The following NCKAP5 variants were observed in gnomAD, a reference collection of about 807,000 sequenced individuals.
NCKAP5 encodes NCK associated protein 5.
NCKAP5 carries 92 observed loss-of-function variants against 167.0 expected under a neutral mutation model. That is an observed-to-expected ratio of 0.55 (90% CI 0.47 to 0.66). The LOEUF is 0.66. Among genes scored for constraint, NCKAP5 ranks in the 30% least tolerant of loss-of-function variants. The pLI is 0.00. For synonymous variants in NCKAP5, 891 were observed against 877.4 expected (o/e 1.02, Z -0.27); for missense variants, 2,378 against 2,315.0 (o/e 1.03, Z -0.56).
chr2:133,613,219 A>T, the NCKAP5 span, among the ~76,000 whole-genome samples: 3 of 152,316 alleles, frequency 2.0e-5, no homozygotes, highest in African/African-American at 7.2e-5. Flanking sequence ...CCATTGATAG[A>T]ATTATTTTCT....
chr2:133,463,471 T>C (rs1692329876), intron 3 of NCKAP5, among the ~76,000 whole-genome samples: 2 of 152,212 alleles, frequency 1.3e-5, no homozygotes. Context: ...TAGGCTGAAG[T>C]CCATTGTTCA....
At chr2:133,626,368 T>A in the NCKAP5 span, among the ~76,000 whole-genome samples, 131 of 152,100 alleles carry the variant, frequency 8.6e-4, no homozygotes, top group African/African-American at 3.0e-3. Flanking sequence ...GAGAAATACA[T>A]GAAATAACAC....
chr2:133,122,239 A>G (rs2082273210), intron 6 of NCKAP5: 1 of 152,262 alleles, frequency 6.6e-6, no homozygotes, highest in African/African-American at 2.4e-5. Flanking sequence ...ACCAAAAAAT[A>G]AAACATTTAT....
At chr2:133,328,062 T>G (rs976864987) in intron 3 of NCKAP5, among the ~76,000 whole-genome samples, 2 of 152,174 alleles carry the variant, frequency 1.3e-5, no homozygotes, top group African/African-American at 4.8e-5. Context: ...CACCCTGTTG[T>G]CTCTCTACCA....
intron 8 of NCKAP5, among the ~76,000 whole-genome samples, chr2:132,942,461 T>A (rs1195353482): frequency 1.3e-5 from 2 of 152,198 alleles, no homozygotes; most frequent in Non-Finnish European, 2.9e-5. Flanking sequence ...AATCACTGAT[T>A]TAGACTTTGT....
rs145510818 is a variant in NCKAP5, at chr2:133,207,336, T to C, written c.207+6380A>G. The stretch of plus-strand genomic sequence containing the variant: ...CCTACAGGGCTCTTTTGGGGGCTGG[T>C]TTCCCCGATATATGTGTATTGAGAT... On this transcript the variant is annotated intron_variant, in intron 5 of 19. Transcript: ENST00000409261. 3.9e-3 allele frequency among the ~76,000 whole-genome samples: 594 copies of C among 152,244 alleles called. 4 individuals carry two copies. The highest frequency in any genetic ancestry group is 0.013 in the African/African-American group (561 of 41,562).
At chr2:132,815,222 C>A in intron 11 of NCKAP5, among the ~76,000 whole-genome samples, 1 of 152,044 alleles carries the variant, frequency 6.6e-6, no homozygotes, top group East Asian at 1.9e-4. Flanking sequence ...TATTTGCAAC[C>A]TCGGAGAATA....
chr2:133,644,361 C>T, the NCKAP5 span, among the ~76,000 whole-genome samples: 3 of 152,296 alleles, frequency 2.0e-5, no homozygotes, highest in East Asian at 1.9e-4. Flanking sequence ...AACTTACTGA[C>T]TCAAGATCTT....
At chr2:133,389,154 G>A (rs189391235) in intron 3 of NCKAP5, among the ~76,000 whole-genome samples, 89 of 152,348 alleles carry the variant, frequency 5.8e-4, no homozygotes, top group African/African-American at 1.5e-3. Context: ...CACTGGAGCT[G>A]CTCCTGTTCG....
At chr2:132,864,636 G>A (rs1574458861) in intron 10 of NCKAP5, among the ~76,000 whole-genome samples, 1 of 152,284 alleles carries the variant, frequency 6.6e-6, no homozygotes, top group East Asian at 1.9e-4. Flanking sequence ...GTTACTTTAT[G>A]TATTGAAGAG....
At chr2:133,590,362 T>TA in the NCKAP5 span, among the ~76,000 whole-genome samples, 15 of 147,986 alleles carry the variant, frequency 1.0e-4, no homozygotes, top group East Asian at 2.8e-3. Flanking sequence ...CCGTCTCTAC[T>TA]AAAAATACAA....
chr2:133,583,722 T>C, the NCKAP5 span, among the ~76,000 whole-genome samples: 2 of 152,158 alleles, frequency 1.3e-5, no homozygotes, highest in African/African-American at 4.8e-5. Flanking sequence ...AGTCGTAAGA[T>C]AAAGTCAAAT....
chr2:133,455,867 G>A (rs750399499), intron 3 of NCKAP5, among the ~76,000 whole-genome samples: 6 of 152,094 alleles, frequency 3.9e-5, no homozygotes, highest in South Asian at 2.1e-4. Context: ...TATATCAGCC[G>A]TGGTTAGATG....
intron 5 of NCKAP5, among the ~76,000 whole-genome samples, chr2:133,199,231 T>C (rs2085567557): frequency 6.6e-6 from 1 of 151,238 alleles, no homozygotes; most frequent in South Asian, 2.1e-4. Context: ...AAGCATAAAC[T>C]AGAAAAATAA....
intron 5 of NCKAP5, among the ~76,000 whole-genome samples, chr2:133,179,848 T>A (rs1424494150): frequency 6.6e-6 from 1 of 151,822 alleles, no homozygotes; most frequent in Non-Finnish European, 1.5e-5. Flanking sequence ...CAGGAATGTG[T>A]AGGAATGAAA....
chr2:133,286,928 T>C lies in NCKAP5; in HGVS notation c.143+16109A>G, dbSNP rs566208168. Among the ~76,000 whole-genome samples, 10 of 152,294 alleles carry C rather than the reference T, an allele frequency of 6.6e-5. No homozygotes were observed. In the South Asian group the frequency reaches 1.5e-3, roughly 22 times the overall value. ...AGAGCCAAAGGGTGAAAGGCAGATG[T>C]TGAGTCATTCAATAGAAGAGGTGTC... On this transcript the variant is annotated intron_variant, in intron 4 of 19. Coordinates refer to ENST00000409261, the MANE Select transcript of NCKAP5 (RefSeq NM_207363.3).
chr2:133,510,674 T>G (rs1009156047), intron 3 of NCKAP5, among the ~76,000 whole-genome samples: 2 of 152,194 alleles, frequency 1.3e-5, no homozygotes, highest in Non-Finnish European at 2.9e-5. Flanking sequence ...CCTGTTGAGG[T>G]AGCTGATGCT....
At chr2:133,502,908 C>T (rs1035230480) in intron 3 of NCKAP5, among the ~76,000 whole-genome samples, 2 of 152,138 alleles carry the variant, frequency 1.3e-5, no homozygotes, top group African/African-American at 4.8e-5. Flanking sequence ...AGAGGAGGGA[C>T]TTGGATGGAA....
At chr2:133,061,804 A>G (rs902130369) in intron 6 of NCKAP5, among the ~76,000 whole-genome samples, 16 of 152,284 alleles carry the variant, frequency 1.1e-4, no homozygotes, top group Middle Eastern at 3.4e-3. Context: ...TGCCATTAGT[A>G]CCTGGTGGCT....
Sources: allele counts gnomAD v4.1 joint callset (sites outside exome capture counted in the v4.1 genomes callset), GRCh38; gene constraint gnomAD v4.1.1; transcripts MANE v1.5; gene names NCBI Gene and HGNC (gene_info 2026-07-23, HGNC 2026-07-21).